The following CNNM2 variants were observed in gnomAD, a reference collection of about 807,000 sequenced individuals.
The protein encoded by CNNM2 is metal transporter CNNM2.
Under a neutral mutation model 66.9 loss-of-function variants are expected in CNNM2, and 12 were observed. That is an observed-to-expected ratio of 0.18 (90% confidence interval 0.11 to 0.29). The LOEUF (loss-of-function observed/expected upper bound fraction) is 0.29, where lower values mean the gene tolerates loss of function less well. Ranked by LOEUF, CNNM2 falls within the 10% of genes least tolerant of loss-of-function variation. The pLI is 1.00. For synonymous variants in CNNM2, 557 were observed against 501.8 expected (o/e 1.11, Z -1.47); for missense variants, 705 against 1,167.7 (o/e 0.60, Z 5.77).
At chr10:102,985,722 A>G (rs1262513901) in intron 1 of CNNM2, among the ~76,000 whole-genome samples, 1 of 152,230 alleles carries the variant, frequency 6.6e-6, no homozygotes, top group Non-Finnish European at 1.5e-5. Context: ...TTACATGACC[A>G]GCTCAGATTG....
At chr10:102,940,340 A>G (rs1846384623) in intron 1 of CNNM2, among the ~76,000 whole-genome samples, 1 of 152,176 alleles carries the variant, frequency 6.6e-6, no homozygotes, top group African/African-American at 2.4e-5. Context: ...TCCCACTGCT[A>G]CAGTGCCAGC....
intron 1 of CNNM2, among the ~76,000 whole-genome samples, chr10:102,988,059 G>A (rs1217127327): frequency 2.0e-5 from 3 of 152,200 alleles, no homozygotes; most frequent in Non-Finnish European, 4.4e-5. Flanking sequence ...AGCACTTTGG[G>A]AGGCCGAGGC....
chr10:103,090,000 G>GC lies in CNNM2; in HGVS notation c.*12821dup, dbSNP rs1273773376. On this transcript the variant is annotated 3_prime_UTR_variant, in exon 8 of 8. Transcript: ENST00000369878. ...CCCCTCTCCTCTGTTAGGTGGCCAT[G>GC]CAATTACATCTATAATGGACCACAG... 1 of 958,394 alleles carries GC rather than the reference G, an allele frequency of 1.0e-6. No homozygotes were observed. The highest frequency in any genetic ancestry group is 1.5e-6 in the Non-Finnish European group (1 of 653,506). 59.4% of individuals were successfully genotyped at this position (958,394 alleles called of 1,614,324 possible). A position where few individuals can be genotyped will look rare whatever the true frequency, so the allele number is the denominator to read the frequency against.
chr10:103,038,047 C>G (rs2064973905), intron 1 of CNNM2, among the ~76,000 whole-genome samples: 1 of 152,084 alleles, frequency 6.6e-6, no homozygotes, highest in Non-Finnish European at 1.5e-5. Context: ...ACCATGTTGG[C>G]CAGCCTGGTC....
At chr10:102,995,691 TG>T (rs2063984729) in intron 1 of CNNM2, among the ~76,000 whole-genome samples, 1 of 136,418 alleles carries the variant, frequency 7.3e-6, no homozygotes, top group East Asian at 2.1e-4. Flanking sequence ...CTGGTGGGGG[TG>T]GGGGTTGGAG....
At chr10:102,924,729 C>G (rs1292243514) in intron 1 of CNNM2, among the ~76,000 whole-genome samples, 1 of 151,920 alleles carries the variant, frequency 6.6e-6, no homozygotes, top group African/African-American at 2.4e-5. Context: ...CTGAGCCTTC[C>G]AAGGTGCTGG....
Position 102,973,518 on chromosome 10 carries a change from G to GTGT in CNNM2, c.1621+53418_1621+53419insGTT, listed in dbSNP as rs1445165466. On this transcript the variant is annotated intron_variant, in intron 1 of 7. Coordinates refer to ENST00000369878, the MANE Select transcript of CNNM2 (RefSeq NM_017649.5). ...GCTAATTTTCTGTGTGTGTGTGTGT[G>GTGT]TTTTTTTTTTTTTTGGTAGAGACAA... 8.1e-4 allele frequency among the ~76,000 whole-genome samples: 113 copies of GTGT among 140,180 alleles called. 1 individual carries two copies. The highest frequency in any genetic ancestry group is 2.7e-3 in the African/African-American group (104 of 38,538). 92.0% of individuals were successfully genotyped at this position (140,180 alleles called of 152,430 possible).
Position 103,054,216 on chromosome 10 carries a change from A to G in CNNM2, c.1766-113A>G, listed in dbSNP as rs1011738175. 10 of 1,227,084 alleles carry G rather than the reference A, an allele frequency of 8.1e-6. No homozygotes were observed. The Admixed American group carries it at 1.4e-4, about 18-fold the overall frequency. 76.0% of individuals were successfully genotyped at this position (1,227,084 alleles called of 1,614,324 possible). On this transcript the variant is annotated intron_variant, in intron 2 of 7. Coordinates refer to ENST00000369878, the MANE Select transcript of CNNM2 (RefSeq NM_017649.5). The surrounding 1 kb of genome is among the most constrained non-coding windows in gnomAD (Gnocchi z 5.2). ...TGGCATCTGTGCATAGAGCGCCTGCATCTGGAAATACAGTCCAGCTCTTCC... is the reference window on the plus strand; with the variant it reads ...TGGCATCTGTGCATAGAGCGCCTGCGTCTGGAAATACAGTCCAGCTCTTCC...
At chr10:103,001,130 T>TCTACTTATATGA (rs1186874956) in intron 1 of CNNM2, among the ~76,000 whole-genome samples, 17 of 152,140 alleles carry the variant, frequency 1.1e-4, no homozygotes, top group African/African-American at 4.1e-4. Flanking sequence ...GAACTTAGAT[T>TCTACTTATATGA]AGTCAAAATT....
In CNNM2 at chr10:103,048,214, A is replaced by ATT. The variant is rs61111356; in HGVS notation, c.1622-1476_1622-1475dup. The stretch of plus-strand genomic sequence containing the variant: ...ACAAATGTGAGCCACTGCGCTCAGC[A>ATT]TTTTTTTTTTTTTTTTTTGAGTGGG... On this transcript the variant is annotated intron_variant, in intron 1 of 7. Coordinates refer to ENST00000369878, the MANE Select transcript of CNNM2 (RefSeq NM_017649.5). Among the ~76,000 whole-genome samples the ATT allele has an allele frequency of 2.9e-3, 310 of 106,560 alleles. 1 individual carries two copies. The highest frequency in any genetic ancestry group is 7.3e-3 in the Admixed American group (72 of 9,828). 69.9% of individuals were successfully genotyped at this position (106,560 alleles called of 152,430 possible). A position where few individuals can be genotyped will look rare whatever the true frequency, so the allele number is the denominator to read the frequency against.
intron 1 of CNNM2, among the ~76,000 whole-genome samples, chr10:102,988,166 GTGGTGGGCGCC>G (rs759595848): frequency 6.4e-4 from 98 of 152,242 alleles, no homozygotes; most frequent in Non-Finnish European, 1.0e-3. Context: ...GCCGGGAGTG[GTGGTGGGCGCC>G]TGTAATCCCA....
intron 6 of CNNM2, among the ~76,000 whole-genome samples, chr10:103,073,794 G>A (rs979800264): frequency 2.7e-5 from 4 of 150,078 alleles, no homozygotes; most frequent in Non-Finnish European, 4.4e-5. Flanking sequence ...CCCGGGAAGC[G>A]GAACTTGCAG....
In CNNM2 at chr10:103,056,105, A is replaced by T. The variant is rs571275038; in HGVS notation, c.1904-690A>T. On this transcript the variant is annotated intron_variant, in intron 3 of 7. Coordinates refer to ENST00000369878, the MANE Select transcript of CNNM2 (RefSeq NM_017649.5). The stretch of plus-strand genomic sequence containing the variant: ...TCCTTCTCAAAAAAAAAAAAAATTT[A>T]AATTAAAAAAAAAGAAAACTAAAAC... Among the ~76,000 whole-genome samples the T allele has an allele frequency of 3.3e-5, 5 of 149,456 alleles. No individual in the cohort carries two copies. The Admixed American group carries it at 3.4e-4, about 10-fold the overall frequency.
At chr10:102,966,211 CTA>C (rs1435102027) in intron 1 of CNNM2, among the ~76,000 whole-genome samples, 3 of 152,040 alleles carry the variant, frequency 2.0e-5, no homozygotes, top group African/African-American at 7.2e-5. Context: ...AATAAATAAA[CTA>C]GAACTGTTTT....
chr10:102,986,546 G>A (rs1033010629), intron 1 of CNNM2, among the ~76,000 whole-genome samples: 1 of 152,068 alleles, frequency 6.6e-6, no homozygotes, highest in Non-Finnish European at 1.5e-5. Flanking sequence ...ACTTTGGGAG[G>A]CCGAGGTGGG....
At chr10:103,064,992 C>T (rs1482996132) in intron 4 of CNNM2, among the ~76,000 whole-genome samples, 2 of 152,204 alleles carry the variant, frequency 1.3e-5, no homozygotes, top group African/African-American at 4.8e-5. Flanking sequence ...CTGAGCTTAG[C>T]ATATCCACCC....
chr10:103,006,683 A>G (rs1252447711), intron 1 of CNNM2, among the ~76,000 whole-genome samples: 1 of 152,056 alleles, frequency 6.6e-6, no homozygotes, highest in Non-Finnish European at 1.5e-5. Flanking sequence ...CTGGAGTGCA[A>G]TGGTGCGATC....
chr10:102,962,216 C>T (rs1413254686), intron 1 of CNNM2, among the ~76,000 whole-genome samples: 4 of 152,184 alleles, frequency 2.6e-5, no homozygotes, highest in African/African-American at 4.8e-5. Context: ...CTAATGCATG[C>T]GGGGCTTAAT....
chr10:102,933,913 C>T (rs1004181349), intron 1 of CNNM2, among the ~76,000 whole-genome samples: 7 of 152,120 alleles, frequency 4.6e-5, no homozygotes, highest in Non-Finnish European at 8.8e-5. Context: ...TAACTCACTG[C>T]AGCCTCAAAC....
Sources: allele counts gnomAD v4.1 joint callset (sites outside exome capture counted in the v4.1 genomes callset), GRCh38; gene constraint gnomAD v4.1.1; non-coding constraint Gnocchi (gnomAD v3.1); transcripts MANE v1.5; gene names NCBI Gene and HGNC (gene_info 2026-07-23, HGNC 2026-07-21).